The following SCAMP5 variants were observed in gnomAD, a reference collection of about 807,000 sequenced individuals.
SCAMP5 encodes the protein secretory carrier membrane protein 5, also known as secretory carrier-associated membrane protein 5.
In SCAMP5, 7 loss-of-function variants were observed where a neutral mutation model predicts 28.3. That is an observed-to-expected ratio of 0.25 (90% CI 0.14 to 0.46). SCAMP5 has a LOEUF of 0.46. Ranked by LOEUF, SCAMP5 falls within the 20% of genes least tolerant of loss-of-function variation. The pLI is 0.99. For synonymous variants in SCAMP5, 117 were observed against 116.4 expected (o/e 1.00, Z -0.03); for missense variants, 192 against 312.5 (o/e 0.61, Z 2.91).
rs2065895554 is a variant in SCAMP5, at chr15:75,020,361, T to C, written c.*1378T>C. 6.6e-6 allele frequency: 1 copy of C among 152,434 alleles called. No individual in the cohort carries two copies. The highest frequency in any genetic ancestry group is 2.4e-5 in the African/African-American group (1 of 41,362). 9.4% of individuals were successfully genotyped at this position (152,434 alleles called of 1,614,324 possible). ...TGGTCACAGGGCGGTTCTGGGCACT[T>C]GAACTCAGGGCCCAAGCAGAAGCAC... On this transcript the variant is annotated 3_prime_UTR_variant, in exon 7 of 7. Coordinates refer to ENST00000425597, the MANE Select transcript of SCAMP5 (RefSeq NM_138967.4).
chr15:75,016,688 C>T lies in SCAMP5; in HGVS notation c.232C>T (p.Leu78Phe), dbSNP rs1380765562. ...ATNFGLAFLW[L>F]ILFTPCSYVC... ...CAACTTTGGCCTCGCCTTTCTCTGG[C>T]TCATCCTCTTCACACCCTGCTCCTA... Residue 78 changes from leucine (L) to phenylalanine (F), a missense_variant, in exon 4 of 7, where the codon CTC (leucine) becomes TTC (phenylalanine). Coordinates refer to ENST00000425597, the MANE Select transcript of SCAMP5 (RefSeq NM_138967.4). 31 of 1,613,806 alleles carry T rather than the reference C, an allele frequency of 1.9e-5. No individual in the cohort carries two copies. Among genetic ancestry groups the T allele is most frequent in the Non-Finnish European group, 2.6e-5 (31 of 1,179,902 alleles).
rs2065884262 is a variant in SCAMP5, at chr15:75,019,063, A to G, written c.*80A>G. The G allele has an allele frequency of 9.9e-7, 1 of 1,009,700 alleles. No homozygotes were observed. The highest frequency in any genetic ancestry group is 1.7e-5 in the African/African-American group (1 of 59,436). The allele number at this position is 1,009,700 out of a possible 1,614,324, so 62.5% of individuals were successfully genotyped here. ...GCCACATCGTCATTTGTGGTTACCA[A>G]GCAGGGTTCCCCCTTCCCTTTTCTC... On this transcript the variant is annotated 3_prime_UTR_variant, in exon 7 of 7. Transcript: ENST00000425597.
chr15:75,020,770 T>G lies in SCAMP5; in HGVS notation c.*1787T>G, dbSNP rs1321195844. On this transcript the variant is annotated 3_prime_UTR_variant, in exon 7 of 7. Transcript: ENST00000425597. ...AAATCCAAACCCCACTTGGCTACTC[T>G]GGCCTGGCTTCAGCTTGGAACCCAA... 1 of 152,194 alleles carries G rather than the reference T, an allele frequency of 6.6e-6. No homozygotes were observed. Among genetic ancestry groups the G allele is most frequent in the Non-Finnish European group, 1.5e-5 (1 of 68,042 alleles). The allele number at this position is 152,194 out of a possible 1,614,324, so 9.4% of individuals were successfully genotyped here.
At chr15:75,009,689 T>A (rs2065793967) in intron 1 of SCAMP5, among the ~76,000 whole-genome samples, 1 of 152,132 alleles carries the variant, frequency 6.6e-6, no homozygotes, top group Non-Finnish European at 1.5e-5. Context: ...TTGGCCAGAC[T>A]GGTCTTGAAC....
chr15:75,014,560 C>T (rs1197850613), intron 3 of SCAMP5, among the ~76,000 whole-genome samples: 1 of 152,152 alleles, frequency 6.6e-6, no homozygotes, highest in Non-Finnish European at 1.5e-5. Flanking sequence ...TCATGGGGTC[C>T]CCTTTTTTCT....
At position 75,008,165 on chromosome 15, in the gene SCAMP5, G is replaced by C. The variant is rs537186561; in HGVS notation, c.-48-3627G>C. Among the ~76,000 whole-genome samples the C allele has an allele frequency of 2.0e-5, 3 of 151,832 alleles. No homozygotes were observed. In the East Asian group the frequency reaches 5.8e-4, roughly 29 times the overall value. ...TTGATTTGTTTTTGTTTCAGTTTTA[G>C]AGTTTGCTTTTCTTTTTGGTTTAAG... On this transcript the variant is annotated intron_variant, in intron 1 of 6. Transcript: ENST00000425597.
chr15:75,004,599 ACACACCTGTAGTCC>A (rs2065738736), intron 1 of SCAMP5, among the ~76,000 whole-genome samples: 1 of 152,038 alleles, frequency 6.6e-6, no homozygotes, highest in Non-Finnish European at 1.5e-5. Flanking sequence ...GCATGATGGC[ACACACCTGTAGTCC>A]CAGCTACTCA....
Position 75,019,293 on chromosome 15 carries a change from G to T in SCAMP5, c.*310G>T. 5.4e-6 allele frequency: 1 copy of T among 183,666 alleles called. No homozygotes were observed. Among genetic ancestry groups the T allele is most frequent in the Non-Finnish European group, 1.1e-5 (1 of 89,398 alleles). 11.4% of individuals were successfully genotyped at this position (183,666 alleles called of 1,614,324 possible). ...TCTTGTGGTGCTAGATGTGTGTTTA[G>T]AGCTAAACCAGCCCCCACCCCCACC... On this transcript the variant is annotated 3_prime_UTR_variant, in exon 7 of 7. Transcript: ENST00000425597.
chr15:75,001,635 T>C (rs1319755745), intron 1 of SCAMP5, among the ~76,000 whole-genome samples: 1 of 151,078 alleles, frequency 6.6e-6, no homozygotes, highest in African/African-American at 2.4e-5. Flanking sequence ...CTTTGGGAGG[T>C]TGAGGTGGGT....
At chr15:75,001,869 C>CA (rs769760180) in intron 1 of SCAMP5, among the ~76,000 whole-genome samples, 8,704 of 40,368 alleles carry the variant, frequency 0.22, 2,619 homozygotes, top group Non-Finnish European at 0.31. Flanking sequence ...GACTCGGTCT[C>CA]AAAAAAAAAA....
intron 1 of SCAMP5, among the ~76,000 whole-genome samples, chr15:75,004,584 G>A (rs1226021062): frequency 1.3e-5 from 2 of 152,026 alleles, no homozygotes; most frequent in African/African-American, 2.4e-5. Flanking sequence ...ACAAAAATTA[G>A]CTGGGCATGA....
At chr15:75,014,909 C>T (rs2065845890) in intron 3 of SCAMP5, among the ~76,000 whole-genome samples, 1 of 152,084 alleles carries the variant, frequency 6.6e-6, no homozygotes, top group Admixed American at 6.5e-5. Context: ...CACCAAGCCT[C>T]CAGGAGATTT....
At position 75,014,959 on chromosome 15, in the gene SCAMP5, G is replaced by A. The variant is rs2065846254; in HGVS notation, c.137-1634G>A. Among the ~76,000 whole-genome samples the A allele has an allele frequency of 2.0e-5, 3 of 152,304 alleles. No individual in the cohort carries two copies. The East Asian group carries it at 5.8e-4, about 29-fold the overall frequency. The stretch of plus-strand genomic sequence containing the variant: ...GGGATAGAGGAAATACAGCTGAAAT[G>A]TACAGGAAGAAATGCCCACCCATGA... On this transcript the variant is annotated intron_variant, in intron 3 of 6. Transcript: ENST00000425597.
chr15:75,006,427 T>A (rs1595883615), intron 1 of SCAMP5, among the ~76,000 whole-genome samples: 1 of 151,162 alleles, frequency 6.6e-6, no homozygotes, highest in South Asian at 2.1e-4. Context: ...CTGAGGTGGG[T>A]GGATGGCTTG....
At chr15:74,999,600 A>G (rs1330144612) in intron 1 of SCAMP5, among the ~76,000 whole-genome samples, 1 of 152,050 alleles carries the variant, frequency 6.6e-6, no homozygotes, top group Non-Finnish European at 1.5e-5. Context: ...TCTCAAAACA[A>G]AAACAAAAAC....
In SCAMP5 at chr15:75,018,192, G is replaced by A. The variant is rs1485752842; in HGVS notation, c.395+221G>A. 6.6e-6 allele frequency among the ~76,000 whole-genome samples: 1 copy of A among 152,110 alleles called. No individual in the cohort carries two copies. Among genetic ancestry groups the A allele is most frequent in the Non-Finnish European group, 1.5e-5 (1 of 68,006 alleles). The stretch of plus-strand genomic sequence containing the variant: ...GGCTGAGGGGTGTCAGGGATTATAG[G>A]AAAACCTGGGGGAAGAAAGTGTTGT... On this transcript the variant is annotated intron_variant, in intron 5 of 6. Transcript: ENST00000425597. The surrounding 1 kb of genome is among the most constrained non-coding windows in gnomAD (Gnocchi z 5.6).
chr15:75,005,301 A>G (rs2065745918), intron 1 of SCAMP5, among the ~76,000 whole-genome samples: 1 of 151,922 alleles, frequency 6.6e-6, no homozygotes, highest in African/African-American at 2.4e-5. Context: ...CATCTCTACT[A>G]AAACTACAAA....
intron 1 of SCAMP5, among the ~76,000 whole-genome samples, chr15:75,000,719 A>C (rs1464359609): frequency 1.4e-5 from 2 of 146,746 alleles, no homozygotes; most frequent in Non-Finnish European, 3.0e-5. Flanking sequence ...AAGAAGAATA[A>C]AATCCTTCAG....
chr15:75,011,245 C>T (rs1365367296), intron 1 of SCAMP5, among the ~76,000 whole-genome samples: 1 of 151,980 alleles, frequency 6.6e-6, no homozygotes, highest in Non-Finnish European at 1.5e-5. Context: ...ATTTCCCTGC[C>T]TCTCCAGACC....
Sources: gnomAD v4.1 joint callset for allele counts (sites outside exome capture counted in the v4.1 genomes callset) on GRCh38, gnomAD v4.1.1 for gene constraint, Gnocchi (gnomAD v3.1) non-coding constraint, MANE v1.5 for transcripts, NCBI Gene and HGNC (gene_info 2026-07-23, HGNC 2026-07-21) for gene names.